DLGAP2: variants seen among roughly 807,000 people sequenced by gnomAD.
The protein encoded by DLGAP2 is disks large-associated protein 2.
A neutral mutation model predicts 100.3 loss-of-function variants in DLGAP2; 26 were observed. The observed-to-expected ratio is 0.26, with a 90% confidence interval of 0.19 to 0.36. DLGAP2 has a LOEUF of 0.36. DLGAP2 is among the 10% of genes least tolerant of loss of function. The pLI, the probability that DLGAP2 is intolerant of heterozygous loss-of-function variation, is 1.00. For synonymous variants in DLGAP2, 886 were observed against 630.1 expected (o/e 1.41, Z -6.08); for missense variants, 1,858 against 1,453.2 (o/e 1.28, Z -4.53).
intron 2 of DLGAP2, among the ~76,000 whole-genome samples, chr8:921,566 C>T (rs1427088118): frequency 6.6e-6 from 1 of 152,270 alleles, no homozygotes; most frequent in Non-Finnish European, 1.5e-5. Flanking sequence ...CTGGCATTTC[C>T]CATAGACAGT....
intron 2 of DLGAP2, among the ~76,000 whole-genome samples, chr8:1,216,038 C>T (rs920595166): frequency 6.6e-6 from 1 of 152,228 alleles, no homozygotes; most frequent in African/African-American, 2.4e-5. Context: ...TTGGGAGGAG[C>T]TTTCTGGTGC....
At chr8:1,452,719 C>T (rs1019887373) in intron 3 of DLGAP2, among the ~76,000 whole-genome samples, 2 of 152,222 alleles carry the variant, frequency 1.3e-5, no homozygotes, top group Non-Finnish European at 2.9e-5. Context: ...GCTGTCGCCT[C>T]CACAGCAGCC....
intron 3 of DLGAP2, among the ~76,000 whole-genome samples, chr8:1,392,686 C>T (rs1229278887): frequency 6.6e-6 from 1 of 152,202 alleles, no homozygotes; most frequent in Non-Finnish European, 1.5e-5. Context: ...GGGACTGGGC[C>T]AGGCCTGGGT....
intron 2 of DLGAP2, among the ~76,000 whole-genome samples, chr8:1,203,268 G>A (rs146820146): frequency 9.9e-4 from 149 of 149,786 alleles, no homozygotes; most frequent in African/African-American, 3.2e-3. Context: ...TGTGTCCTTC[G>A]GTGATGAGGC....
chr8:1,501,671 T>C (rs1018395574), intron 4 of DLGAP2, among the ~76,000 whole-genome samples: 1 of 152,242 alleles, frequency 6.6e-6, no homozygotes, highest in Non-Finnish European at 1.5e-5. Context: ...GCCGTTCACA[T>C]AAACGATGCA....
chr8:1,006,525 A>G lies in DLGAP2; in HGVS notation c.73+98559A>G, dbSNP rs186531857. Among the ~76,000 whole-genome samples the G allele has an allele frequency of 2.5e-3, 245 of 96,268 alleles. 8 individuals are homozygous for G. The East Asian group carries it at 0.071, about 28-fold the overall frequency. The allele number at this position is 96,268 out of a possible 152,430, so 63.2% of individuals were successfully genotyped here. A position where few individuals can be genotyped will look rare whatever the true frequency, so the allele number is the denominator to read the frequency against. On this transcript the variant is annotated intron_variant, in intron 2 of 14. Coordinates refer to ENST00000637795, the MANE Select transcript of DLGAP2 (RefSeq NM_001346810.2). ...AAGTCTCAGGATGTGGTCCTTTATC[A>G]TGTCAGGGACACCGTGTGTCTCAAG...
intron 3 of DLGAP2, among the ~76,000 whole-genome samples, chr8:1,313,455 A>C (rs1039904941): frequency 6.6e-6 from 1 of 152,142 alleles, no homozygotes; most frequent in Non-Finnish European, 1.5e-5. Context: ...AATCTCCCCT[A>C]TACTCCCCCC....
intron 14 of DLGAP2, among the ~76,000 whole-genome samples, chr8:1,699,971 A>C (rs80027308): frequency 6.6e-6 from 1 of 152,230 alleles, no homozygotes; most frequent in African/African-American, 2.4e-5. Flanking sequence ...TTATGTGCTG[A>C]AAAAAGGAAT....
intron 1 of DLGAP2, among the ~76,000 whole-genome samples, chr8:903,683 A>C (rs1270584084): frequency 6.6e-6 from 1 of 152,078 alleles, no homozygotes; most frequent in East Asian, 1.9e-4. Context: ...GAGGACGCCA[A>C]GCTCTCCCGC....
At chr8:1,635,644 C>T (rs571541029) in intron 8 of DLGAP2, among the ~76,000 whole-genome samples, 5 of 152,178 alleles carry the variant, frequency 3.3e-5, no homozygotes, top group South Asian at 2.1e-4. Context: ...CCTTGAAGAA[C>T]GAGATTTATT....
chr8:1,550,222 C>A (rs1801716153), intron 5 of DLGAP2, among the ~76,000 whole-genome samples: 1 of 152,184 alleles, frequency 6.6e-6, no homozygotes, highest in Non-Finnish European at 1.5e-5. Context: ...TGAGTAGTGT[C>A]CCCTGTGTAT....
At chr8:1,676,110 G>T (rs763278994) in intron 10 of DLGAP2, among the ~76,000 whole-genome samples, 1 of 152,174 alleles carries the variant, frequency 6.6e-6, no homozygotes, top group Non-Finnish European at 1.5e-5. Flanking sequence ...TCTGTACGTG[G>T]ATGCAGCCAT....
chr8:1,701,176 G>A lies in DLGAP2; in HGVS notation c.2950-12G>A. The A allele has an allele frequency of 6.4e-7, 1 of 1,552,330 alleles. No individual in the cohort carries two copies. ...CGAGCACCTGCCAACGGTGACTTGC[G>A]CTGCTTTTCAGGAAGAAAGAAAGGT... On this transcript the variant is annotated splice_polypyrimidine_tract_variant and intron_variant, in intron 14 of 14. Transcript: ENST00000637795.
At position 871,531 on chromosome 8, in the gene DLGAP2, C is replaced by A. The variant is rs568662932; in HGVS notation, c.19-36381C>A. 9.9e-5 allele frequency among the ~76,000 whole-genome samples: 15 copies of A among 152,192 alleles called. No homozygotes were observed. The East Asian group carries it at 2.7e-3, about 27-fold the overall frequency. The stretch of plus-strand genomic sequence containing the variant: ...GTGTGAAATTTTGATTGGGATTATC[C>A]AGGTTTAGCATCCTAAATCTTAAAA... On this transcript the variant is annotated intron_variant, in intron 1 of 14. Transcript: ENST00000637795.
In DLGAP2 at chr8:1,568,881, C is replaced by A. The variant is rs549242722; in HGVS notation, c.1442+2987C>A. Among the ~76,000 whole-genome samples, 67 of 74,120 alleles carry A rather than the reference C, an allele frequency of 9.0e-4. 3 individuals are homozygous for A. Among genetic ancestry groups the A allele is most frequent in the African/African-American group, 3.1e-3 (67 of 21,634 alleles). 48.6% of individuals were successfully genotyped at this position (74,120 alleles called of 152,430 possible). The stretch of plus-strand genomic sequence containing the variant: ...CACTGTCCACTCAGCAGACACAAAT[C>A]CATCTCTGCCTGCGGCCCCCATGCC... On this transcript the variant is annotated intron_variant, in intron 6 of 14. Transcript: ENST00000637795.
intron 3 of DLGAP2, among the ~76,000 whole-genome samples, chr8:1,456,732 G>A (rs12676980): frequency 0.49 from 74,146 of 151,458 alleles, 18,677 homozygotes; most frequent in East Asian, 0.84. Context: ...TGAAGGCCCC[G>A]GTCGTTGGAC....
In DLGAP2 at chr8:1,171,225, G is replaced by C. The variant is rs1034415496; in HGVS notation, c.74-87626G>C. Among the ~76,000 whole-genome samples the C allele has an allele frequency of 8.5e-5, 13 of 152,266 alleles. No homozygotes were observed. In the East Asian group the frequency reaches 1.2e-3, roughly 14 times the overall value. On this transcript the variant is annotated intron_variant, in intron 2 of 14. Transcript: ENST00000637795. The stretch of plus-strand genomic sequence containing the variant: ...GTTTCTTAATCCTGAGTTCTAGTTT[G>C]ATTGCACTGTGGTCTGAGAGATAGT...
chr8:917,926 C>T (rs368621914), intron 2 of DLGAP2, among the ~76,000 whole-genome samples: 1 of 152,112 alleles, frequency 6.6e-6, no homozygotes, highest in Non-Finnish European at 1.5e-5. Flanking sequence ...TGAATAAATA[C>T]AAGCTGGATG....
chr8:893,405 G>A (rs544021422), intron 1 of DLGAP2, among the ~76,000 whole-genome samples: 18 of 152,338 alleles, frequency 1.2e-4, no homozygotes, highest in African/African-American at 3.6e-4. Context: ...TCTAACTTAC[G>A]TGTCGTATCT....
Sources: allele counts gnomAD v4.1 joint callset (sites outside exome capture counted in the v4.1 genomes callset), GRCh38; gene constraint gnomAD v4.1.1; transcripts MANE v1.5; gene names NCBI Gene and HGNC (gene_info 2026-07-23, HGNC 2026-07-21).